The following CFAP299 variants were observed in gnomAD, a reference collection of about 807,000 sequenced individuals.
CFAP299 encodes the protein cilia and flagella associated protein 299.
CFAP299 carries 21 observed loss-of-function variants against 27.0 expected under a neutral mutation model. The observed-to-expected ratio is 0.78, with a 90% CI of 0.55 to 1.12. The LOEUF is 1.12. Ranked by LOEUF, CFAP299 falls within the 50% of genes most tolerant of loss-of-function variation. The pLI is 0.00. For synonymous variants in CFAP299, 104 were observed against 98.1 expected (o/e 1.06, Z -0.36); for missense variants, 310 against 276.6 (o/e 1.12, Z -0.86).
chr4:80,566,973 C>T (rs1006055911), intron 2 of CFAP299, among the ~76,000 whole-genome samples: 7 of 151,468 alleles, frequency 4.6e-5, no homozygotes, highest in Non-Finnish European at 2.9e-5. Context: ...AGTTCAGAGA[C>T]AATTTCTTAC....
At chr4:80,678,877 G>A (rs1719646455) in intron 3 of CFAP299, among the ~76,000 whole-genome samples, 1 of 151,996 alleles carries the variant, frequency 6.6e-6, no homozygotes, top group Admixed American at 6.6e-5. Flanking sequence ...TATTAAAACT[G>A]GGATATTGAA....
At chr4:80,336,585 G>A (rs1164515267) in intron 1 of CFAP299, 2 of 152,276 alleles carry the variant, frequency 1.3e-5, no homozygotes, top group Non-Finnish European at 2.9e-5. Flanking sequence ...GCAGGGTGGT[G>A]GGGGACAGAG....
At chr4:80,579,868 G>T (rs946939515) in intron 2 of CFAP299, among the ~76,000 whole-genome samples, 1 of 152,056 alleles carries the variant, frequency 6.6e-6, no homozygotes, top group African/African-American at 2.4e-5. Flanking sequence ...AAACTGATGT[G>T]ATCATTACCT....
intron 3 of CFAP299, among the ~76,000 whole-genome samples, chr4:80,765,654 T>A (rs933740237): frequency 6.6e-5 from 10 of 152,008 alleles, no homozygotes; most frequent in African/African-American, 2.4e-4. Context: ...AGGGTACATG[T>A]GCACAACATG....
chr4:80,435,759 G>A (rs1728038016), intron 2 of CFAP299, among the ~76,000 whole-genome samples: 1 of 152,144 alleles, frequency 6.6e-6, no homozygotes, highest in Non-Finnish European at 1.5e-5. Flanking sequence ...CCTACCTAGT[G>A]GGATGTGATT....
At chr4:80,422,636 G>GTGAGTATACTTAAATGCTTAAAT (rs1727342631) in intron 2 of CFAP299, among the ~76,000 whole-genome samples, 1 of 152,102 alleles carries the variant, frequency 6.6e-6, no homozygotes, top group Non-Finnish European at 1.5e-5. Flanking sequence ...TATACTCATA[G>GTGAGTATACTTAAATGCTTAAAT]TGAGTATACT....
intron 3 of CFAP299, among the ~76,000 whole-genome samples, chr4:80,585,045 G>A (rs1298273445): frequency 1.3e-5 from 2 of 152,132 alleles, no homozygotes; most frequent in Admixed American, 1.3e-4. Flanking sequence ...GAAAACATCA[G>A]TGTGCCTTTA....
chr4:80,958,763 C>G (rs1461434359), intron 5 of CFAP299, among the ~76,000 whole-genome samples: 2 of 152,158 alleles, frequency 1.3e-5, no homozygotes, highest in Admixed American at 6.5e-5. Context: ...TCCTGGAAAT[C>G]CTGACTCAGT....
chr4:80,699,227 T>C (rs1180614244), intron 3 of CFAP299, among the ~76,000 whole-genome samples: 1 of 152,210 alleles, frequency 6.6e-6, no homozygotes, highest in African/African-American at 2.4e-5. Flanking sequence ...GTCTCAGATG[T>C]ACTTATAAGA....
chr4:80,473,238 G>A (rs1406174293), intron 2 of CFAP299, among the ~76,000 whole-genome samples: 1 of 152,152 alleles, frequency 6.6e-6, no homozygotes, highest in Non-Finnish European at 1.5e-5. Context: ...AGACCTTACA[G>A]ATGAGTAGCG....
chr4:80,914,615 C>T (rs745985040), intron 4 of CFAP299, among the ~76,000 whole-genome samples: 1 of 152,170 alleles, frequency 6.6e-6, no homozygotes, highest in Non-Finnish European at 1.5e-5. Flanking sequence ...TTTTAATTTA[C>T]ATTTCTCTAA....
intron 1 of CFAP299, among the ~76,000 whole-genome samples, chr4:80,360,504 T>C (rs1281043240): frequency 6.6e-6 from 1 of 152,214 alleles, no homozygotes; most frequent in Non-Finnish European, 1.5e-5. Flanking sequence ...ATGTCAGTGA[T>C]TATCTCTGAG....
At chr4:80,693,800 T>C (rs1268995590) in intron 3 of CFAP299, among the ~76,000 whole-genome samples, 1 of 151,670 alleles carries the variant, frequency 6.6e-6, no homozygotes, top group Non-Finnish European at 1.5e-5. Flanking sequence ...GTGAAGAATC[T>C]CCAGTATATA....
chr4:80,675,425 A>G (rs1012028011), intron 3 of CFAP299, among the ~76,000 whole-genome samples: 1 of 152,166 alleles, frequency 6.6e-6, no homozygotes, highest in Non-Finnish European at 1.5e-5. Context: ...GCTTCCTCCC[A>G]GAGGGGCACC....
At chr4:80,610,515 T>C (rs1737910877) in intron 3 of CFAP299, among the ~76,000 whole-genome samples, 1 of 152,104 alleles carries the variant, frequency 6.6e-6, no homozygotes, top group South Asian at 2.1e-4. Flanking sequence ...TAGTAATTCA[T>C]ACTTTATCTT....
At chr4:80,536,959 G>C (rs937731703) in intron 2 of CFAP299, among the ~76,000 whole-genome samples, 2 of 152,006 alleles carry the variant, frequency 1.3e-5, no homozygotes, top group Non-Finnish European at 1.5e-5. Context: ...CCATACATCT[G>C]ACAAAGGATT....
chr4:80,342,067 C>T (rs1722485505), intron 1 of CFAP299, among the ~76,000 whole-genome samples: 1 of 152,114 alleles, frequency 6.6e-6, no homozygotes, highest in Admixed American at 6.5e-5. Flanking sequence ...GAAAGACTCT[C>T]AGAGATTGAA....
At chr4:80,941,216 CA>C (rs1737178006) in intron 4 of CFAP299, among the ~76,000 whole-genome samples, 3 of 152,090 alleles carry the variant, frequency 2.0e-5, no homozygotes, top group African/African-American at 7.2e-5. Context: ...AATAAAGACA[CA>C]TTTTTTCCCA....
At chr4:80,893,377 A>G (rs1424015131) in intron 4 of CFAP299, among the ~76,000 whole-genome samples, 1 of 152,016 alleles carries the variant, frequency 6.6e-6, no homozygotes, top group African/African-American at 2.4e-5. Flanking sequence ...ACAAAATCCT[A>G]AAATTCATAC....
Sources: allele counts gnomAD v4.1 joint callset (sites outside exome capture counted in the v4.1 genomes callset), GRCh38; gene constraint gnomAD v4.1.1; transcripts MANE v1.5; gene names NCBI Gene and HGNC (gene_info 2026-07-23, HGNC 2026-07-21).